Variants in PSEN2 observed in about 807,000 individuals in gnomAD.
PSEN2 encodes presenilin-2.
PSEN2 carries 32 observed loss-of-function variants against 49.1 expected under a neutral mutation model. The ratio of observed to expected loss-of-function variants is 0.65; its 90% CI spans 0.49 to 0.88. The LOEUF is 0.88. Among genes scored for constraint, PSEN2 ranks in the 40% least tolerant of loss-of-function variants. PSEN2 has a pLI of 0.00. For synonymous variants in PSEN2, 255 were observed against 244.0 expected, an observed-to-expected ratio of 1.05 and a Z score of -0.42; for missense variants, 522 against 586.9, an observed-to-expected ratio of 0.89 and a Z score of 1.14.
At chr1:226,883,317 C>T (rs950209670) in intron 4 of PSEN2, among the ~76,000 whole-genome samples, 1 of 152,190 alleles carries the variant, frequency 6.6e-6, no homozygotes, top group African/African-American at 2.4e-5. Context: ...GATTTGTCAG[C>T]CAAAAATGTT....
At position 226,891,777 on chromosome 1, in the gene PSEN2, A is replaced by G. The variant is rs781365270; in HGVS notation, c.1005A>G (p.Ser335=). 58 of 1,614,026 alleles carry G rather than the reference A, an allele frequency of 3.6e-5. No individual in the cohort carries two copies. Among genetic ancestry groups the G allele is most frequent in the Non-Finnish European group, 4.7e-5 (56 of 1,180,016 alleles). ...EDSYDSFGEP[S]YPEVFEPPLT... is the part of the protein sequence containing the mutation. ...CCTATGACAGTTTTGGGGAGCCTTC[A>G]TACCCCGAAGTCTTTGAGCCTCCCT... The change falls in exon 11 of 13, where the codon TCA becomes TCG. Residue 335 remains serine, a synonymous_variant. Coordinates refer to ENST00000366783, the MANE Select transcript of PSEN2 (RefSeq NM_000447.3).
At chr1:226,887,068 A>T (rs929448905) in intron 6 of PSEN2, among the ~76,000 whole-genome samples, 3 of 152,132 alleles carry the variant, frequency 2.0e-5, no homozygotes. Flanking sequence ...GAGGATACAG[A>T]TTGCATGGGG....
chr1:226,878,442 C>T (rs1660772279), intron 3 of PSEN2, among the ~76,000 whole-genome samples: 1 of 152,188 alleles, frequency 6.6e-6, no homozygotes, highest in South Asian at 2.1e-4. Context: ...CCTGGGTCCC[C>T]TGCTTCTCCA....
At chr1:226,886,301 C>T (rs12069540) in intron 6 of PSEN2, among the ~76,000 whole-genome samples, 8,656 of 152,256 alleles carry the variant, frequency 0.057, 670 homozygotes, top group African/African-American at 0.17. Flanking sequence ...CCCCTCACCC[C>T]GATACTTCCC....
chr1:226,886,588 C>T (rs1204558019), intron 6 of PSEN2, among the ~76,000 whole-genome samples: 1 of 152,234 alleles, frequency 6.6e-6, no homozygotes, highest in Non-Finnish European at 1.5e-5. Flanking sequence ...CTGGGCATTA[C>T]CTATTTTAAA....
intron 8 of PSEN2, among the ~76,000 whole-genome samples, chr1:226,889,629 G>A (rs555412538): frequency 1.6e-3 from 250 of 152,336 alleles, no homozygotes; most frequent in Non-Finnish European, 2.6e-3. Flanking sequence ...TTAAGCACTG[G>A]ACACGCTGTA....
At chr1:226,871,793 A>G (rs781586326) in intron 2 of PSEN2, among the ~76,000 whole-genome samples, 4 of 152,242 alleles carry the variant, frequency 2.6e-5, no homozygotes, top group Non-Finnish European at 2.9e-5. Context: ...AAGCTGCTTC[A>G]GGTGTGTGAG....
chr1:226,879,509 C>G (rs1413626152), intron 3 of PSEN2, among the ~76,000 whole-genome samples: 2 of 152,186 alleles, frequency 1.3e-5, no homozygotes, highest in Non-Finnish European at 2.9e-5. Context: ...CAAACTCCTC[C>G]CTGGCATGGC....
chr1:226,881,723 G>A (rs1350754846), intron 3 of PSEN2, among the ~76,000 whole-genome samples, 165 bp from the exon 4 acceptor site: 3 of 152,186 alleles, frequency 2.0e-5, no homozygotes, highest in East Asian at 3.8e-4. Context: ...TAACTCTCAA[G>A]GCCTCTTGTT....
Position 226,879,911 on chromosome 1 carries a change from G to A in PSEN2, c.-20-1977G>A, listed in dbSNP as rs188572962. 2.0e-5 allele frequency among the ~76,000 whole-genome samples: 3 copies of A among 152,358 alleles called. No homozygotes were observed. The East Asian group carries it at 5.8e-4, about 29-fold the overall frequency. On this transcript the variant is annotated intron_variant, in intron 3 of 12. Coordinates refer to ENST00000366783, the MANE Select transcript of PSEN2 (RefSeq NM_000447.3). ...GAAATCCCTGTGATGGAGGTGAGCA[G>A]AGGCAGTCTCTGCCTGTGCCTCTTA...
chr1:226,888,137 T>C lies in PSEN2; in HGVS notation c.545T>C (p.Leu182Pro). 1 of 1,613,612 alleles carries C rather than the reference T, an allele frequency of 6.2e-7. No homozygotes were observed. The highest frequency in any genetic ancestry group is 8.5e-7 in the Non-Finnish European group (1 of 1,179,490). Reference sequence around the variant, plus strand: ...ATGTCTTCACTGATGCTGCTGTTCCTCTTCACCTATATCTACCTTGGGTAA... The same window carrying C: ...ATGTCTTCACTGATGCTGCTGTTCCCCTTCACCTATATCTACCTTGGGTAA... ...LIMSSLMLLF[L>P]FTYIYLGEVL... is the part of the protein sequence containing the mutation. The change falls in exon 7 of 13, where the codon CTC becomes CCC. Residue 182 changes from leucine (L) to proline (P), a missense_variant. Transcript: ENST00000366783.
At position 226,891,274 on chromosome 1, in the gene PSEN2, C is replaced by T; in HGVS notation, c.887-4C>T. On this transcript the variant is annotated splice_polypyrimidine_tract_variant and splice_region_variant and intron_variant, in intron 9 of 12. Coordinates refer to ENST00000366783, the MANE Select transcript of PSEN2 (RefSeq NM_000447.3). ...TGAGATGTGAACCTTTTCTCCTCCC[C>T]CAGCTGCCATGGTGTGGACGGTTGG... 6.2e-7 allele frequency: 1 copy of T among 1,613,606 alleles called. No individual in the cohort carries two copies. Among genetic ancestry groups the T allele is most frequent in the East Asian group, 2.2e-5 (1 of 44,864 alleles).
intron 3 of PSEN2, among the ~76,000 whole-genome samples, chr1:226,877,593 G>A (rs1372141486): frequency 1.3e-5 from 2 of 152,184 alleles, no homozygotes; most frequent in Non-Finnish European, 2.9e-5. Flanking sequence ...CCCTTGCTGT[G>A]ACAGCTGAGA....
At chr1:226,874,705 A>G (rs1660521724) in intron 2 of PSEN2, among the ~76,000 whole-genome samples, 1 of 152,162 alleles carries the variant, frequency 6.6e-6, no homozygotes, top group Non-Finnish European at 1.5e-5. Flanking sequence ...TGGACACTTT[A>G]CAGGTTATCT....
intron 3 of PSEN2, among the ~76,000 whole-genome samples, chr1:226,881,397 A>C (rs944313784): frequency 6.6e-6 from 1 of 152,136 alleles, no homozygotes; most frequent in African/African-American, 2.4e-5. Flanking sequence ...TTCTCTAGAA[A>C]ACATTCGTGA....
In PSEN2 at chr1:226,895,754, C is replaced by T. The variant is rs1662107628; in HGVS notation, c.*175C>T. On this transcript the variant is annotated 3_prime_UTR_variant, in exon 13 of 13. Coordinates refer to ENST00000366783, the MANE Select transcript of PSEN2 (RefSeq NM_000447.3). ...AGCTCTTTGGTGCCAGCTGTTTCAT[C>T]ACCAGACTTTGGCTCCCGCTTTGGG... The T allele has an allele frequency of 1.5e-5, 12 of 791,266 alleles. No homozygotes were observed. Among genetic ancestry groups the T allele is most frequent in the Non-Finnish European group, 2.2e-5 (11 of 505,386 alleles). The allele number at this position is 791,266 out of a possible 1,614,324, so 49.0% of individuals were successfully genotyped here. A position where few individuals can be genotyped will look rare whatever the true frequency, so the allele number is the denominator to read the frequency against.
In PSEN2 at chr1:226,890,024, T is replaced by C; in HGVS notation, c.788-11T>C. ...GGGGATAGTTTGACAAGGATGTCTCTGTCTTCCTAGATCTCGTGGCTGTGC... is the reference window on the plus strand; with the variant it reads ...GGGGATAGTTTGACAAGGATGTCTCCGTCTTCCTAGATCTCGTGGCTGTGC... On this transcript the variant is annotated splice_polypyrimidine_tract_variant and intron_variant, in intron 8 of 12. Transcript: ENST00000366783. The C allele has an allele frequency of 3.1e-6, 5 of 1,604,420 alleles. No homozygotes were observed. The highest frequency in any genetic ancestry group is 4.3e-6 in the Non-Finnish European group (5 of 1,171,140).
At position 226,895,772 on chromosome 1, in the gene PSEN2, G is replaced by A. The variant is rs201559102; in HGVS notation, c.*193G>A. 36 of 659,186 alleles carry A rather than the reference G, an allele frequency of 5.5e-5. No homozygotes were observed. The highest frequency in any genetic ancestry group is 9.7e-5 in the South Asian group (5 of 51,630). 40.8% of individuals were successfully genotyped at this position (659,186 alleles called of 1,614,324 possible). ...GTTTCATCACCAGACTTTGGCTCCC[G>A]CTTTGGGGAGCGCCTCGCTTCACGG... On this transcript the variant is annotated 3_prime_UTR_variant, in exon 13 of 13. Coordinates refer to ENST00000366783, the MANE Select transcript of PSEN2 (RefSeq NM_000447.3).
At chr1:226,896,966 A>AT (rs1464407315), downstream of PSEN2, among the ~76,000 whole-genome samples, 1 of 152,192 alleles carries the variant, frequency 6.6e-6, no homozygotes, top group African/African-American at 2.4e-5. Flanking sequence ...GTATCTTGAC[A>AT]TTTGACAGGA....
Sources: gnomAD v4.1 joint callset for allele counts (sites outside exome capture counted in the v4.1 genomes callset) on GRCh38, gnomAD v4.1.1 for gene constraint, MANE v1.5 for transcripts, NCBI Gene and HGNC (gene_info 2026-07-23, HGNC 2026-07-21) for gene names.